SLC38A1: variants seen among roughly 807,000 people sequenced by gnomAD.
SLC38A1 encodes sodium-coupled neutral amino acid symporter 1.
In SLC38A1, 18 loss-of-function variants were observed where a neutral mutation model predicts 60.3. The observed-to-expected ratio is 0.30, with a 90% CI of 0.21 to 0.44. The LOEUF (loss-of-function observed/expected upper bound fraction) is 0.44, where lower values mean the gene tolerates loss of function less well. Among genes scored for constraint, SLC38A1 ranks in the 20% least tolerant of loss-of-function variants. SLC38A1 has a pLI of 1.00. For synonymous variants in SLC38A1, 196 were observed against 212.1 expected, an observed-to-expected ratio of 0.92 and a Z score of 0.66; for missense variants, 448 against 587.2, an observed-to-expected ratio of 0.76 and a Z score of 2.45.
chr12:46,250,372 G>A (rs1241042324), intron 1 of SLC38A1, among the ~76,000 whole-genome samples: 1 of 152,130 alleles, frequency 6.6e-6, no homozygotes, highest in African/African-American at 2.4e-5. Context: ...CAAACCCACA[G>A]CCAATATCAT....
At chr12:46,215,464 T>G (rs532297593) in intron 5 of SLC38A1, among the ~76,000 whole-genome samples, 41 of 152,106 alleles carry the variant, frequency 2.7e-4, no homozygotes, top group African/African-American at 9.2e-4. Context: ...CAGGCTGGAG[T>G]GCAGTGGCAC....
At chr12:46,228,262 A>G (rs1457211394) in intron 5 of SLC38A1, among the ~76,000 whole-genome samples, 2 of 152,204 alleles carry the variant, frequency 1.3e-5, no homozygotes, top group Admixed American at 1.3e-4. Flanking sequence ...AATGGGCAGT[A>G]ATATTCTTTT....
chr12:46,224,336 A>T (rs1352664928), intron 5 of SLC38A1, among the ~76,000 whole-genome samples: 1 of 152,140 alleles, frequency 6.6e-6, no homozygotes, highest in Non-Finnish European at 1.5e-5. Flanking sequence ...AAAAATGCAA[A>T]ATCCAGCACC....
intron 5 of SLC38A1, among the ~76,000 whole-genome samples, chr12:46,225,118 G>A (rs2137781085): frequency 6.6e-6 from 1 of 152,246 alleles, no homozygotes; most frequent in African/African-American, 2.4e-5. Context: ...ATGAAATTTT[G>A]AAAGCTGGAA....
intron 5 of SLC38A1, among the ~76,000 whole-genome samples, chr12:46,219,023 A>C (rs1404256123): frequency 2.6e-5 from 4 of 151,926 alleles, no homozygotes; most frequent in Non-Finnish European, 5.9e-5. Context: ...GGAGGTTCAG[A>C]CTCTTGGAGC....
At chr12:46,244,107 G>T (rs1941536645) in intron 1 of SLC38A1, among the ~76,000 whole-genome samples, 1 of 152,152 alleles carries the variant, frequency 6.6e-6, no homozygotes, top group South Asian at 2.1e-4. Flanking sequence ...AATAAGTCTG[G>T]TTCAGAGACA....
chr12:46,196,583 C>A (rs1220348472), intron 16 of SLC38A1, among the ~76,000 whole-genome samples: 1 of 152,164 alleles, frequency 6.6e-6, no homozygotes, highest in Non-Finnish European at 1.5e-5. Context: ...GGAATTAAGG[C>A]TTCAGGGGTG....
chr12:46,187,822 A>G lies in SLC38A1; in HGVS notation c.*1148T>C, dbSNP rs1938991037. 1 of 149,184 alleles carries G rather than the reference A, an allele frequency of 6.7e-6. No individual in the cohort carries two copies. Among genetic ancestry groups the G allele is most frequent in the African/African-American group, 2.5e-5 (1 of 40,162 alleles). The allele number at this position is 149,184 out of a possible 1,614,324, so 9.2% of individuals were successfully genotyped here. A position where few individuals can be genotyped will look rare whatever the true frequency, so the allele number is the denominator to read the frequency against. ...TTTTCACAAGACTAGATGGAGAATT[A>G]ATGAAGAAGAAATAGAAATGAGGCT... On this transcript the variant is annotated 3_prime_UTR_variant, in exon 17 of 17. Coordinates refer to ENST00000398637, the MANE Select transcript of SLC38A1 (RefSeq NM_030674.4).
chr12:46,247,975 A>C (rs1204802610), intron 1 of SLC38A1, among the ~76,000 whole-genome samples: 2 of 152,200 alleles, frequency 1.3e-5, no homozygotes, highest in Non-Finnish European at 2.9e-5. Context: ...CTTTACAGAC[A>C]AGCAAATGCT....
intron 1 of SLC38A1, among the ~76,000 whole-genome samples, chr12:46,245,888 T>C (rs1209064204): frequency 6.6e-6 from 1 of 152,228 alleles, no homozygotes; most frequent in African/African-American, 2.4e-5. Flanking sequence ...TTAGCTCTAG[T>C]CCCTCTTCCT....
intron 16 of SLC38A1, among the ~76,000 whole-genome samples, chr12:46,192,404 T>G (rs1440958320): frequency 2.6e-5 from 4 of 152,206 alleles, no homozygotes; most frequent in Non-Finnish European, 5.9e-5. Flanking sequence ...CTTTTTTTGT[T>G]GTGTCTCCAC....
intron 7 of SLC38A1, 75 bp from the exon 8 acceptor site, chr12:46,207,311 C>G: frequency 7.4e-7 from 1 of 1,342,590 alleles, no homozygotes. Flanking sequence ...AAGTTATCAG[C>G]CCGTTCTTAG....
At chr12:46,228,853 A>C (rs933148308) in intron 5 of SLC38A1, among the ~76,000 whole-genome samples, 3 of 152,214 alleles carry the variant, frequency 2.0e-5, no homozygotes, top group African/African-American at 7.2e-5. Context: ...CTGAGATTTA[A>C]AGTCACAGGT....
intron 5 of SLC38A1, among the ~76,000 whole-genome samples, chr12:46,215,420 T>A (rs1940361721): frequency 6.6e-6 from 1 of 152,178 alleles, no homozygotes; most frequent in South Asian, 2.1e-4. Context: ...GCATTACTTT[T>A]TTTTTTCTTG....
At position 46,188,057 on chromosome 12, in the gene SLC38A1, C is replaced by T. The variant is rs927923545; in HGVS notation, c.*913G>A. 1 of 152,080 alleles carries T rather than the reference C, an allele frequency of 6.6e-6. No individual in the cohort carries two copies. The highest frequency in any genetic ancestry group is 2.4e-5 in the African/African-American group (1 of 41,408). The allele number at this position is 152,080 out of a possible 1,614,324, so 9.4% of individuals were successfully genotyped here. On this transcript the variant is annotated 3_prime_UTR_variant, in exon 17 of 17. Coordinates refer to ENST00000398637, the MANE Select transcript of SLC38A1 (RefSeq NM_030674.4). Reference sequence around the variant, plus strand: ...CTATAATGTACTAAAACATTTTTCTCCCTTCAGCAAGACAGGTAGGGTTGA... The same window carrying T: ...CTATAATGTACTAAAACATTTTTCTTCCTTCAGCAAGACAGGTAGGGTTGA...
At chr12:46,232,479 C>G (rs904961210) in intron 3 of SLC38A1, among the ~76,000 whole-genome samples, 1 of 152,264 alleles carries the variant, frequency 6.6e-6, no homozygotes, top group Non-Finnish European at 1.5e-5. Context: ...CTGCTAATAA[C>G]TGCTTTGGCT....
intron 16 of SLC38A1, among the ~76,000 whole-genome samples, chr12:46,190,747 T>C (rs1253244834): frequency 6.6e-6 from 1 of 152,230 alleles, no homozygotes; most frequent in Non-Finnish European, 1.5e-5. Context: ...TTGAGAAGTG[T>C]CTGTTCATAT....
intron 3 of SLC38A1, among the ~76,000 whole-genome samples, chr12:46,237,851 C>T (rs1941312135): frequency 6.6e-6 from 1 of 151,742 alleles, no homozygotes; most frequent in Non-Finnish European, 1.5e-5. Context: ...GAATTCCTTC[C>T]ACTGTTCAGT....
intron 5 of SLC38A1, among the ~76,000 whole-genome samples, chr12:46,211,775 T>C (rs1233018379): frequency 6.6e-6 from 1 of 152,216 alleles, no homozygotes; most frequent in East Asian, 1.9e-4. Context: ...TTAAGAGACG[T>C]AACATTGCAC....
Sources: allele counts gnomAD v4.1 joint callset (sites outside exome capture counted in the v4.1 genomes callset), GRCh38; gene constraint gnomAD v4.1.1; transcripts MANE v1.5; gene names NCBI Gene and HGNC (gene_info 2026-07-23, HGNC 2026-07-21).